The following GMPR variants were observed in gnomAD, a reference collection of about 807,000 sequenced individuals.
The protein encoded by GMPR is GMP reductase 1.
Under a neutral mutation model 38.4 loss-of-function variants are expected in GMPR, and 31 were observed. The observed-to-expected ratio is 0.81, with a 90% CI of 0.61 to 1.09. The LOEUF (loss-of-function observed/expected upper bound fraction) is 1.09. Ranked by LOEUF, GMPR falls within the 50% of genes least tolerant of loss-of-function variation. The probability of loss-of-function intolerance (pLI) is 0.00; values close to 1 mark genes in which losing one functional copy is unlikely to be tolerated. For missense variants in GMPR, 468 were observed against 453.7 expected (o/e 1.03, Z -0.29); for synonymous variants, 162 against 173.3 (o/e 0.93, Z 0.51).
rs981037951 is a variant in GMPR, at chr6:16,272,613, T to C, written c.466-1802T>C. On this transcript the variant is annotated intron_variant, in intron 4 of 8. Coordinates refer to ENST00000259727, the MANE Select transcript of GMPR (RefSeq NM_006877.4). Reference sequence around the variant, plus strand: ...TGGTTATTCAGGAGGTTGAACACTTTCCGTTTTTCTCAGCCACTTTTATTT... The same window carrying C: ...TGGTTATTCAGGAGGTTGAACACTTCCCGTTTTTCTCAGCCACTTTTATTT... 2.0e-5 allele frequency among the ~76,000 whole-genome samples: 3 copies of C among 152,350 alleles called. No individual in the cohort carries two copies. The East Asian group carries it at 5.8e-4, about 29-fold the overall frequency.
In GMPR at chr6:16,264,499, A is replaced by G. The variant is rs915243979; in HGVS notation, c.465+9764A>G. The G allele has an allele frequency of 2.1e-4, 34 of 160,450 alleles. 1 individual carries two copies. The highest frequency in any genetic ancestry group is 6.0e-3 in the Middle Eastern group (2 of 336). 9.9% of individuals were successfully genotyped at this position (160,450 alleles called of 1,614,324 possible). A position where few individuals can be genotyped will look rare whatever the true frequency, so the allele number is the denominator to read the frequency against. ...ACCAAATTTCATGTGCGTCCGTGTG[A>G]AGAGACCACCAAACAGGCTTTGTGT... On this transcript the variant is annotated intron_variant, in intron 4 of 8. Transcript: ENST00000259727.
chr6:16,274,466 G>A lies in GMPR; in HGVS notation c.517G>A (p.Ala173Thr). ...EMVEELILSGADIIKVGVGPG... is the reference protein window; with the variant it reads ...EMVEELILSGTDIIKVGVGPG... ...GGTAGAAGAGCTTATTCTTTCCGGAGCAGATATCATCAAAGTGGGAGTTGG... is the reference window on the plus strand; with the variant it reads ...GGTAGAAGAGCTTATTCTTTCCGGAACAGATATCATCAAAGTGGGAGTTGG... Residue 173 changes from alanine (A) to threonine (T), a missense_variant, in exon 5 of 9, where the codon GCA becomes ACA. By Grantham distance (58) the Ala-to-Thr change is moderately conservative. Transcript: ENST00000259727. 2 of 1,609,062 alleles carry A rather than the reference G, an allele frequency of 1.2e-6. No homozygotes were observed. Among genetic ancestry groups the A allele is most frequent in the Admixed American group, 1.7e-5 (1 of 60,014 alleles).
chr6:16,277,147 G>A (rs1037984412), intron 5 of GMPR, among the ~76,000 whole-genome samples: 1 of 152,188 alleles, frequency 6.6e-6, no homozygotes, highest in African/African-American at 2.4e-5. Flanking sequence ...AGGCGCCTTC[G>A]TGGGAATGAG....
intron 4 of GMPR, among the ~76,000 whole-genome samples, chr6:16,255,889 TTA>T (rs1292931632): frequency 6.6e-6 from 1 of 152,232 alleles, no homozygotes; most frequent in Non-Finnish European, 1.5e-5. Context: ...TTAAGGATTT[TTA>T]TGTTTTTCAA....
intron 8 of GMPR, among the ~76,000 whole-genome samples, chr6:16,291,904 C>G (rs1759846009): frequency 6.7e-6 from 1 of 148,744 alleles, no homozygotes; most frequent in East Asian, 2.0e-4. Context: ...GAGTGATACC[C>G]TGCCAAAAAA....
intron 4 of GMPR, among the ~76,000 whole-genome samples, chr6:16,267,025 A>G (rs1759261047): frequency 6.6e-6 from 1 of 151,150 alleles, no homozygotes; most frequent in East Asian, 2.0e-4. Flanking sequence ...AAGAGCTGTA[A>G]CACTCCCTGC....
intron 4 of GMPR, among the ~76,000 whole-genome samples, chr6:16,265,737 A>C (rs1759185622): frequency 6.6e-6 from 1 of 152,224 alleles, no homozygotes; most frequent in African/African-American, 2.4e-5. Flanking sequence ...TGGACCAATC[A>C]GCAGGATGTG....
chr6:16,267,303 T>C (rs966484275), intron 4 of GMPR, among the ~76,000 whole-genome samples: 1 of 151,258 alleles, frequency 6.6e-6, no homozygotes, highest in Non-Finnish European at 1.5e-5. Context: ...ACCTGGGAGG[T>C]GGAGCTTGCA....
At chr6:16,262,660 G>A (rs1010858396) in intron 4 of GMPR, 2 of 151,940 alleles carry the variant, frequency 1.3e-5, no homozygotes, top group African/African-American at 4.8e-5. Context: ...TTAATTTTTG[G>A]AGTTTTCTTT....
chr6:16,246,587 T>C (rs1019627407), intron 1 of GMPR, among the ~76,000 whole-genome samples: 2 of 152,048 alleles, frequency 1.3e-5, no homozygotes, highest in African/African-American at 4.8e-5. Flanking sequence ...TGTGGGTCTT[T>C]AGGGAAGTGG....
chr6:16,261,747 G>A (rs533226012), intron 4 of GMPR, among the ~76,000 whole-genome samples: 1 of 152,096 alleles, frequency 6.6e-6, no homozygotes, highest in East Asian at 1.9e-4. Context: ...TTGGCATTGA[G>A]CAGGGTAAGG....
rs1758776532 is a variant in GMPR, at chr6:16,247,313, T to C, written c.207+352T>C. Among the ~76,000 whole-genome samples, 3 of 151,994 alleles carry C rather than the reference T, an allele frequency of 2.0e-5. No individual in the cohort carries two copies. In the South Asian group the frequency reaches 6.2e-4, roughly 32 times the overall value. The stretch of plus-strand genomic sequence containing the variant: ...ATGCAGTCCGTGCTGCAGCATTTAC[T>C]GTATAATTATGTTGAATACATGTAT... On this transcript the variant is annotated intron_variant, in intron 2 of 8. Coordinates refer to ENST00000259727, the MANE Select transcript of GMPR (RefSeq NM_006877.4).
chr6:16,279,064 G>A (rs1266561411), intron 6 of GMPR, among the ~76,000 whole-genome samples, 174 bp downstream of exon 6: 1 of 152,246 alleles, frequency 6.6e-6, no homozygotes, highest in East Asian at 1.9e-4. Context: ...TCCACAGTGA[G>A]GGTGGCAGGC....
At chr6:16,262,855 C>A (rs1049613448) in intron 4 of GMPR, 3 of 151,978 alleles carry the variant, frequency 2.0e-5, no homozygotes, top group African/African-American at 7.2e-5. Context: ...GAAAAAGGAG[C>A]ATTAACCTTG....
intron 1 of GMPR, among the ~76,000 whole-genome samples, chr6:16,240,455 G>A (rs532611262): frequency 6.6e-6 from 1 of 152,126 alleles, no homozygotes. Flanking sequence ...GATGGCTTGA[G>A]CCCACGAGCT....
intron 6 of GMPR, among the ~76,000 whole-genome samples, chr6:16,284,603 C>G (rs1451788089): frequency 3.3e-5 from 5 of 152,108 alleles, no homozygotes; most frequent in African/African-American, 9.7e-5. Flanking sequence ...CGTGACTGTC[C>G]CCGTGTGTCT....
At chr6:16,288,548 C>G (rs1163737893) in intron 7 of GMPR, among the ~76,000 whole-genome samples, 2 of 152,224 alleles carry the variant, frequency 1.3e-5, no homozygotes, top group Non-Finnish European at 2.9e-5. Context: ...GCCCCCTCCA[C>G]GGGCTCCTGT....
At chr6:16,254,506 G>T (rs1284368266) in intron 3 of GMPR, 56 bp from the exon 4 acceptor site, 3 of 1,460,254 alleles carry the variant, frequency 2.1e-6, no homozygotes, top group Admixed American at 1.7e-5. Context: ...TGGGGGCAGG[G>T]TCTGATGTCT....
At chr6:16,267,940 C>T (rs964274836) in intron 4 of GMPR, among the ~76,000 whole-genome samples, 2 of 152,242 alleles carry the variant, frequency 1.3e-5, no homozygotes, top group African/African-American at 2.4e-5. Context: ...GCTCATTGGC[C>T]TGCCCACATT....
Sources: gnomAD v4.1 joint callset for allele counts (sites outside exome capture counted in the v4.1 genomes callset) on GRCh38, gnomAD v4.1.1 for gene constraint, MANE v1.5 for transcripts, NCBI Gene and HGNC (gene_info 2026-07-23, HGNC 2026-07-21) for gene names.